Variants in FASN observed in about 807,000 individuals in gnomAD.
FASN encodes fatty acid synthase, also known as 3-hydroxyacyl-[acyl-carrier-protein] dehydratase.
FASN carries 50 observed loss-of-function variants against 250.0 expected under a neutral mutation model. That is an observed-to-expected ratio of 0.20 (90% confidence interval 0.16 to 0.25). The LOEUF (loss-of-function observed/expected upper bound fraction) is 0.25, where lower values mean the gene tolerates loss of function less well. FASN is among the 10% of genes least tolerant of loss of function. FASN has a pLI of 1.00. For missense variants in FASN, 3,031 were observed against 3,498.5 expected, an observed-to-expected ratio of 0.87 and a Z score of 3.37; for synonymous variants, 1,909 against 1,584.0, an observed-to-expected ratio of 1.21 and a Z score of -4.87.
chr17:82,091,534 C>T lies in FASN; in HGVS notation c.1180G>A (p.Gly394Ser). Residue 394 changes from glycine to serine, a missense_variant, in exon 9 of 43, where the codon GGC (glycine) becomes AGC (serine). Physicochemically the swap from Gly to Ser is moderately conservative, Grantham distance 56. Coordinates refer to ENST00000306749, the MANE Select transcript of FASN (RefSeq NM_004104.5). ...ATGTGCACGTTGGAGCCCCCGAAGC[C>T]AAAGGAGTTGATGCCCACGTTGCCG... ...RGGNVGINSF[G>S]FGGSNVHIIL... is the part of the protein sequence containing the mutation. 6.2e-7 allele frequency: 1 copy of T among 1,602,036 alleles called. No individual in the cohort carries two copies. The highest frequency in any genetic ancestry group is 8.5e-7 in the Non-Finnish European group (1 of 1,175,396).
intron 1 of FASN, 99 bp from the exon 2 acceptor site, chr17:82,096,551 C>T: frequency 1.3e-6 from 2 of 1,570,074 alleles, no homozygotes; most frequent in Non-Finnish European, 1.7e-6. Context: ...TGGGGCCAAG[C>T]ACCACCCTGA....
intron 37 of FASN, 39 bp downstream of exon 37, chr17:82,081,562 G>C: frequency 6.2e-7 from 1 of 1,609,334 alleles, no homozygotes; most frequent in Non-Finnish European, 8.5e-7. Context: ...GATGCCAGCA[G>C]GGGAAACACC....
rs1375536316 is a variant in FASN at position 82,079,154 on chromosome 17, G to T, written c.7525C>A (p.Arg2509=). Residue 2509 remains arginine, a synonymous_variant, in exon 43 of 43, where the codon CGG becomes AGG. Transcript: ENST00000306749. ...SSLAEPRVSV[R]EG Reference sequence around the variant, plus strand: ...GCGGGGGCACGGGCCTAGCCCTCCCGCACGCTCACGCGTGGCTCAGCCAGG... The same window carrying T: ...GCGGGGGCACGGGCCTAGCCCTCCCTCACGCTCACGCGTGGCTCAGCCAGG... 1 of 1,611,880 alleles carries T rather than the reference G, an allele frequency of 6.2e-7. No individual in the cohort carries two copies. Among genetic ancestry groups the T allele is most frequent in the South Asian group, 1.1e-5 (1 of 91,080 alleles).
Position 82,091,157 on chromosome 17 carries a change from C to G in FASN, c.1492+65G>C, listed in dbSNP as rs112357701. On this transcript the variant is annotated intron_variant, in intron 9 of 42. Transcript: ENST00000306749. Reference sequence around the variant, plus strand: ...TCCCAGAGAGCACCTCAGGGGACCACCAGCTCCAGTTCGCCTGCCTTTCCC... The same window carrying G: ...TCCCAGAGAGCACCTCAGGGGACCAGCAGCTCCAGTTCGCCTGCCTTTCCC... 42 of 1,601,764 alleles carry G rather than the reference C, an allele frequency of 2.6e-5. No individual in the cohort carries two copies. In the African/African-American group the frequency reaches 4.1e-4, roughly 16 times the overall value.
chr17:82,083,179 G>GGCGCC (rs2034022845), intron 32 of FASN, 23 bp downstream of exon 32: 1 of 1,611,696 alleles, frequency 6.2e-7, no homozygotes, highest in Non-Finnish European at 8.5e-7. Context: ...GGGTGCCCGA[G>GGCGCC]GCGCCGGGAC....
rs1568119358 is a variant in FASN, at chr17:82,096,307, G to GCAGCCACATACCCGCCTTC, written c.120_127+11dup. On this transcript the variant is annotated intron_variant, in intron 2 of 42. Coordinates refer to ENST00000306749, the MANE Select transcript of FASN (RefSeq NM_004104.5). ...TCACACCCCAGGCACGGGGAGCCCC[G>GCAGCCACATACCCGCCTTC]CAGCCACATACCCGCCTTCCAGCGA... The GCAGCCACATACCCGCCTTC allele has an allele frequency of 1.2e-5, 19 of 1,611,632 alleles. No homozygotes were observed. The highest frequency in any genetic ancestry group is 1.4e-5 in the Non-Finnish European group (17 of 1,179,902).
chr17:82,091,538 G>T lies in FASN; in HGVS notation c.1176C>A (p.Ser392=). The change falls in exon 9 of 43, where the codon TCC becomes TCA. Residue 392 remains serine, a synonymous_variant. Coordinates refer to ENST00000306749, the MANE Select transcript of FASN (RefSeq NM_004104.5). The part of the protein sequence containing the change: ...PVRGGNVGIN[S]FGFGGSNVHI... Reference sequence around the variant, plus strand: ...GCACGTTGGAGCCCCCGAAGCCAAAGGAGTTGATGCCCACGTTGCCGCCAC... The same window carrying T: ...GCACGTTGGAGCCCCCGAAGCCAAATGAGTTGATGCCCACGTTGCCGCCAC... 2 of 1,601,554 alleles carry T rather than the reference G, an allele frequency of 1.2e-6. No homozygotes were observed. The highest frequency in any genetic ancestry group is 1.1e-5 in the South Asian group (1 of 89,442).
intron 16 of FASN, 31 bp from the exon 17 acceptor site, chr17:82,088,338 C>G (rs765288447): frequency 1.2e-6 from 2 of 1,609,738 alleles, no homozygotes; most frequent in South Asian, 2.2e-5. Flanking sequence ...CAGCACAGAG[C>G]GGGCGTCTGT....
chr17:82,083,334 C>G lies in FASN; in HGVS notation c.5433G>C (p.Trp1811Cys), dbSNP rs1396823986. 2 of 1,612,574 alleles carry G rather than the reference C, an allele frequency of 1.2e-6. No individual in the cohort carries two copies. The highest frequency in any genetic ancestry group is 3.3e-5 in the Admixed American group (2 of 60,008). The change falls in exon 32 of 43, where the codon TGG becomes TGC. Residue 1811 changes from tryptophan (W) to cysteine (C), a missense_variant. Physicochemically the swap from Trp to Cys is radical, Grantham distance 215. Coordinates refer to ENST00000306749, the MANE Select transcript of FASN (RefSeq NM_004104.5). ...CCCGGATGCCGGCCTGCACAAGCGC[C>G]CACACCTCCCGCCAGTCAGCACTGC... ...NESSADWREV[W>C]ALVQAGIRDG... is the part of the protein sequence containing the mutation.
chr17:82,087,081 A>C lies in FASN; in HGVS notation c.3396T>G (p.Ala1132=), dbSNP rs779123463. The C allele has an allele frequency of 9.3e-6, 15 of 1,611,472 alleles. No homozygotes were observed. The highest frequency in any genetic ancestry group is 1.1e-5 in the South Asian group (1 of 90,988). Residue 1132 remains alanine, a synonymous_variant, in exon 21 of 43, where the codon GCT becomes GCG. Coordinates refer to ENST00000306749, the MANE Select transcript of FASN (RefSeq NM_004104.5). The part of the protein sequence containing the change: ...HTEEGCLSER[A]ALQEELQLCK... The stretch of plus-strand genomic sequence containing the variant: ...ACAGTTGCAGCTCCTCCTGCAGGGC[A>C]GCGCGCTCAGACAGGCACCCCTCCT...
intron 8 of FASN, 30 bp downstream of exon 8, chr17:82,092,425 T>C: frequency 1.3e-6 from 2 of 1,553,412 alleles, no homozygotes; most frequent in East Asian, 2.4e-5. Flanking sequence ...AGCAGGAGCC[T>C]GAGGGACCCC....
At chr17:82,088,718 C>T (rs760884346) in intron 15 of FASN, 43 bp downstream of exon 15, 1 of 1,578,222 alleles carries the variant, frequency 6.3e-7, no homozygotes, top group South Asian at 1.1e-5. Flanking sequence ...CCCACGCCGT[C>T]CCCGACTCCG....
chr17:82,097,044 C>T (rs1410983449), intron 1 of FASN, among the ~76,000 whole-genome samples: 2 of 152,220 alleles, frequency 1.3e-5, no homozygotes, highest in Non-Finnish European at 1.5e-5. Context: ...CCAGGCCAGC[C>T]CAAGAGCCAC....
chr17:82,089,621 G>T lies in FASN; in HGVS notation c.1965+11C>A. The T allele has an allele frequency of 6.3e-7, 1 of 1,589,552 alleles. No individual in the cohort carries two copies. Among genetic ancestry groups the T allele is most frequent in the Admixed American group, 1.8e-5 (1 of 56,182 alleles). ...GGGGACAGAGGAGCCCGCCCAGGCC[G>T]CAGCACCCACCTGAGGTCCCGAGAT... is the stretch of plus-strand genomic sequence containing the variant. On this transcript the variant is annotated intron_variant, in intron 12 of 42. Coordinates refer to ENST00000306749, the MANE Select transcript of FASN (RefSeq NM_004104.5).
In FASN at chr17:82,081,218, G is replaced by T. The variant is rs752038320; in HGVS notation, c.6541C>A (p.Gln2181Lys). ...NLVLSVREVR[Q>K]LTLRKLQELS... ...TCCTGCAGTTTCCGGAGCGTGAGTT[G>T]CCGCACCTCGCGCACGGACAGCACC... Residue 2181 changes from glutamine to lysine, a missense_variant, in exon 38 of 43, where the codon CAA becomes AAA. By Grantham distance (53) the Gln-to-Lys change is moderately conservative (BLOSUM62 1). Transcript: ENST00000306749. The T allele has an allele frequency of 6.3e-7, 1 of 1,592,616 alleles. No individual in the cohort carries two copies. The highest frequency in any genetic ancestry group is 8.5e-7 in the Non-Finnish European group (1 of 1,170,646).
chr17:82,085,885 AT>A lies in FASN; in HGVS notation c.3733-15del. 1 of 1,523,624 alleles carries A rather than the reference AT, an allele frequency of 6.6e-7. No individual in the cohort carries two copies. Among genetic ancestry groups the A allele is most frequent in the Non-Finnish European group, 8.8e-7 (1 of 1,138,818 alleles). The allele number at this position is 1,523,624 out of a possible 1,614,324, so 94.4% of individuals were successfully genotyped here. On this transcript the variant is annotated splice_polypyrimidine_tract_variant and intron_variant, in intron 22 of 42. Coordinates refer to ENST00000306749, the MANE Select transcript of FASN (RefSeq NM_004104.5). ...GCCAGCCAGCACCTGTAGGGGGTGA[AT>A]TCTGGAATCAGCCCCACACCAGGCA...
At position 82,078,942 on chromosome 17, in the gene FASN, C is replaced by G; in HGVS notation, c.*201G>C. 1.5e-6 allele frequency: 1 copy of G among 664,454 alleles called. No individual in the cohort carries two copies. The highest frequency in any genetic ancestry group is 2.5e-5 in the Admixed American group (1 of 39,768). 41.2% of individuals were successfully genotyped at this position (664,454 alleles called of 1,614,324 possible). ...ACCAGGAGTCTCCAAGTCGGCAGCT[C>G]TGGTGTCCCCGAGGTGCCGTGGGAG... On this transcript the variant is annotated 3_prime_UTR_variant, in exon 43 of 43. Coordinates refer to ENST00000306749, the MANE Select transcript of FASN (RefSeq NM_004104.5). This position sits in a 1 kb window ranked among gnomAD's most constrained non-coding sequence, Gnocchi z 5.4.
rs201175454 is a variant in FASN at position 82,093,707 on chromosome 17, C to T, written c.345G>A (p.Glu115=). The change falls in exon 4 of 43, where the codon GAG becomes GAA. Residue 115 remains glutamate, a synonymous_variant. Coordinates refer to ENST00000306749, the MANE Select transcript of FASN (RefSeq NM_004104.5). ...GGTCTCGGCTCAGGGCCTCCGAGGTCTCAGAGCCGCTCACGCCCACCCAGA... is the reference window on the plus strand; with the variant it reads ...GGTCTCGGCTCAGGGCCTCCGAGGTTTCAGAGCCGCTCACGCCCACCCAGA... ...TGVWVGVSGS[E]TSEALSRDPE... 14 of 1,612,640 alleles carry T rather than the reference C, an allele frequency of 8.7e-6. No individual in the cohort carries two copies. The highest frequency in any genetic ancestry group is 1.2e-5 in the Non-Finnish European group (14 of 1,179,992).
At chr17:82,084,431 G>A (rs375758448) in intron 27 of FASN, 47 bp from the exon 28 acceptor site, 53 of 1,587,700 alleles carry the variant, frequency 3.3e-5, no homozygotes, top group Admixed American at 2.9e-4. Flanking sequence ...CTTCCCTCCC[G>A]AGGGGCTCCC....
Sources: gnomAD v4.1 joint callset for allele counts (sites outside exome capture counted in the v4.1 genomes callset) on GRCh38, gnomAD v4.1.1 for gene constraint, Gnocchi (gnomAD v3.1) non-coding constraint, MANE v1.5 for transcripts, NCBI Gene and HGNC (gene_info 2026-07-23, HGNC 2026-07-21) for gene names.